Variants in CLCN1 observed in about 807,000 individuals in gnomAD.
CLCN1 encodes the protein chloride voltage-gated channel 1.
Under a neutral mutation model 114.5 loss-of-function variants are expected in CLCN1, and 100 were observed. That is an observed-to-expected ratio of 0.87 (90% confidence interval 0.74 to 1.03). CLCN1 has a LOEUF of 1.03. Ranked by LOEUF, CLCN1 falls within the 50% of genes least tolerant of loss-of-function variation. The pLI is 0.00. For synonymous variants in CLCN1, 485 were observed against 487.1 expected, an observed-to-expected ratio of 1.00 and a Z score of 0.06; for missense variants, 1,188 against 1,250.0, an observed-to-expected ratio of 0.95 and a Z score of 0.75.
At chr7:143,343,712 TTCTC>T (rs374586960) in intron 16 of CLCN1, among the ~76,000 whole-genome samples, 105 of 146,762 alleles carry the variant, frequency 7.2e-4, no homozygotes, top group Middle Eastern at 3.6e-3. Context: ...CTTCCTTTCT[TTCTC>T]TTTCTTTCTT....
chr7:143,346,089 G>A (rs1231754414), intron 17 of CLCN1, 51 bp from the exon 18 acceptor site: 1 of 1,199,752 alleles, frequency 8.3e-7, no homozygotes, highest in Admixed American at 1.7e-5. Flanking sequence ...AGGCAGTGAA[G>A]GCCCAGGCAG....
intron 14 of CLCN1, among the ~76,000 whole-genome samples, chr7:143,340,540 T>C (rs922967490): frequency 6.6e-6 from 1 of 152,130 alleles, no homozygotes; most frequent in African/African-American, 2.4e-5. Context: ...CTTCTCCTTC[T>C]CTTCTCTTCT....
chr7:143,321,598 C>T lies in CLCN1; in HGVS notation c.562+105C>T. 1 of 1,604,278 alleles carries T rather than the reference C, an allele frequency of 6.2e-7. No individual in the cohort carries two copies. Among genetic ancestry groups the T allele is most frequent in the Admixed American group, 1.7e-5 (1 of 59,974 alleles). On this transcript the variant is annotated intron_variant, in intron 4 of 22. Transcript: ENST00000343257. The surrounding 1 kb of genome is among the most constrained non-coding windows in gnomAD (Gnocchi z 4.2). ...ACCCACAGCCCTGTGCTGCCTTGCC[C>T]CATCCTCCCCACCACTGCCTCTTCA...
chr7:143,347,620 C>CAAA (rs57147641), intron 20 of CLCN1, among the ~76,000 whole-genome samples: 50 of 94,808 alleles, frequency 5.3e-4, no homozygotes, highest in East Asian at 6.8e-4. Context: ...GACTTTGCCT[C>CAAA]AAAAAAAAAA....
chr7:143,320,410 C>G (rs183531465), intron 2 of CLCN1, among the ~76,000 whole-genome samples: 1 of 152,072 alleles, frequency 6.6e-6, no homozygotes, highest in Non-Finnish European at 1.5e-5. Context: ...GGCTTTGGTG[C>G]CTTTTGCAGG....
chr7:143,330,238 T>C (rs1325120715), intron 7 of CLCN1, among the ~76,000 whole-genome samples: 1 of 152,160 alleles, frequency 6.6e-6, no homozygotes, highest in Non-Finnish European at 1.5e-5. Flanking sequence ...AGCCCCCTCC[T>C]ATTTTTGTTC....
chr7:143,351,776 C>T lies in CLCN1; in HGVS notation c.2778C>T (p.Ser926=). The change falls in exon 23 of 23, where the codon TCC becomes TCT. Residue 926 remains serine (S), a synonymous_variant. Coordinates refer to ENST00000343257, the MANE Select transcript of CLCN1 (RefSeq NM_000083.3). ...ATGTGDVIAA[S]PETPVPSPSP... ...GAACAGGGGATGTGATTGCTGCCTC[C>T]CCAGAGACCCCTGTGCCATCTCCTT... 6.2e-7 allele frequency: 1 copy of T among 1,614,146 alleles called. No homozygotes were observed. Among genetic ancestry groups the T allele is most frequent in the East Asian group, 2.2e-5 (1 of 44,856 alleles).
In CLCN1 at chr7:143,331,443, G is replaced by A. The variant is rs2242493; in HGVS notation, c.1065-108G>A. 0.66 allele frequency: 734,507 copies of A among 1,104,938 alleles called. 246,825 individuals are homozygous for A. The highest frequency in any genetic ancestry group is 0.82 in the East Asian group (34,553 of 42,364). The allele number at this position is 1,104,938 out of a possible 1,614,324, so 68.4% of individuals were successfully genotyped here. A position where few individuals can be genotyped will look rare whatever the true frequency, so the allele number is the denominator to read the frequency against. ...AGAGTACATTGCTGGGGGGATGTGG[G>A]CAGATAGGAAAGGCAGAAGCCTGGT... On this transcript the variant is annotated intron_variant, in intron 9 of 22. Coordinates refer to ENST00000343257, the MANE Select transcript of CLCN1 (RefSeq NM_000083.3).
In CLCN1 at chr7:143,321,803, C is replaced by T. The variant is rs144109732; in HGVS notation, c.651C>T (p.Val217=). 463 of 1,614,220 alleles carry T rather than the reference C, an allele frequency of 2.9e-4. 4 individuals carry two copies. The African/African-American group carries it at 5.1e-3, about 18-fold the overall frequency. ...LTMKAFVAKV[V]ALTAGLGSGI... Reference sequence around the variant, plus strand: ...TGAAAGCCTTTGTGGCCAAGGTTGTCGCCCTGACTGCGGGCCTGGGCAGTG... The same window carrying T: ...TGAAAGCCTTTGTGGCCAAGGTTGTTGCCCTGACTGCGGGCCTGGGCAGTG... Residue 217 remains valine, a synonymous_variant, in exon 5 of 23, where the codon GTC becomes GTT. Transcript: ENST00000343257. The surrounding 1 kb of genome is among the most constrained non-coding windows in gnomAD (Gnocchi z 4.2).
chr7:143,326,008 T>TGTTTG (rs1554435604), intron 7 of CLCN1, among the ~76,000 whole-genome samples: 4 of 151,952 alleles, frequency 2.6e-5, no homozygotes, highest in African/African-American at 9.7e-5. Flanking sequence ...TACTTGTTTT[T>TGTTTG]TTTGTTTGTT....
In CLCN1 at chr7:143,321,392, A is replaced by G. The variant is rs111482384; in HGVS notation, c.461A>G (p.Gln154Arg). The stretch of plus-strand genomic sequence containing the variant: ...TACAAGTGGTCCTACGCGCAGATGC[A>G]GCCCAGCCTTCCTCTGCAGTTCCTG... ...QAYKWSYAQM[Q>R]PSLPLQFLVW... is the part of the protein sequence containing the mutation. The change falls in exon 4 of 23, where the codon CAG (glutamine) becomes CGG (arginine). Residue 154 changes from glutamine to arginine, a missense_variant. Gln to Arg is a conservative substitution (Grantham distance 43). Coordinates refer to ENST00000343257, the MANE Select transcript of CLCN1 (RefSeq NM_000083.3). The surrounding 1 kb of genome is among the most constrained non-coding windows in gnomAD (Gnocchi z 4.2). The G allele has an allele frequency of 1.9e-3, 3,043 of 1,614,212 alleles. 57 individuals are homozygous for G. The African/African-American group carries it at 0.034, about 18-fold the overall frequency.
At chr7:143,331,513 TG>T in intron 9 of CLCN1, 37 bp from the exon 10 acceptor site, 2 of 1,442,050 alleles carry the variant, frequency 1.4e-6, no homozygotes, top group Non-Finnish European at 2.0e-6. Flanking sequence ...GAGGATTTCA[TG>T]TCTGTAAGAT....
At chr7:143,322,119 T>C (rs1207218801) in intron 5 of CLCN1, among the ~76,000 whole-genome samples, 2 of 152,358 alleles carry the variant, frequency 1.3e-5, no homozygotes, top group East Asian at 3.9e-4. Flanking sequence ...GGGGAGGCTG[T>C]TCTGTGCAGT....
intron 16 of CLCN1, among the ~76,000 whole-genome samples, chr7:143,344,797 T>C (rs4726608): frequency 0.43 from 63,875 of 148,624 alleles, 14,336 homozygotes; most frequent in African/African-American, 0.56. Context: ...GTCGCCCAGG[T>C]TGGAGTGCAG....
In CLCN1 at chr7:143,330,856, C is replaced by T. The variant is rs2116852322; in HGVS notation, c.938C>T (p.Ala313Val). Residue 313 changes from alanine (A) to valine (V), a missense_variant, in exon 8 of 23, where the codon GCC (alanine) becomes GTC (valine). Ala to Val is a moderately conservative substitution (Grantham distance 64, BLOSUM62 0). Coordinates refer to ENST00000343257, the MANE Select transcript of CLCN1 (RefSeq NM_000083.3). ...WRGFFAATFS[A>V]FVFRVLAVWN... is the part of the protein sequence containing the mutation. ...GGATTCTTTGCAGCCACGTTCAGCG[C>T]CTTTGTGTTTCGAGTGCTGGCAGTG... 2 of 1,614,216 alleles carry T rather than the reference C, an allele frequency of 1.2e-6. No individual in the cohort carries two copies. Among genetic ancestry groups the T allele is most frequent in the Non-Finnish European group, 1.7e-6 (2 of 1,180,050 alleles).
In CLCN1 at chr7:143,346,095, G is replaced by A. The variant is rs146406176; in HGVS notation, c.2173-45G>A. 2.0e-3 allele frequency: 2,464 copies of A among 1,256,250 alleles called. 6 individuals are homozygous for A. Among genetic ancestry groups the A allele is most frequent in the Non-Finnish European group, 2.2e-3 (1,912 of 853,510 alleles). 77.8% of individuals were successfully genotyped at this position (1,256,250 alleles called of 1,614,324 possible). On this transcript the variant is annotated intron_variant, in intron 17 of 22. Coordinates refer to ENST00000343257, the MANE Select transcript of CLCN1 (RefSeq NM_000083.3). ...AACTGGTAAAGGCAGTGAAGGCCCA[G>A]GCAGTCTCTGCTCCCAGGCTGAGAC...
Position 143,321,592 on chromosome 7 carries a change from C to T in CLCN1, c.562+99C>T. On this transcript the variant is annotated intron_variant, in intron 4 of 22. Coordinates refer to ENST00000343257, the MANE Select transcript of CLCN1 (RefSeq NM_000083.3). The surrounding 1 kb of genome is among the most constrained non-coding windows in gnomAD (Gnocchi z 4.2). Reference sequence around the variant, plus strand: ...AGCCCCACCCACAGCCCTGTGCTGCCTTGCCCCATCCTCCCCACCACTGCC... The same window carrying T: ...AGCCCCACCCACAGCCCTGTGCTGCTTTGCCCCATCCTCCCCACCACTGCC... The T allele has an allele frequency of 6.2e-7, 1 of 1,606,858 alleles. No homozygotes were observed. Among genetic ancestry groups the T allele is most frequent in the South Asian group, 1.1e-5 (1 of 90,888 alleles).
At chr7:143,318,635 C>G (rs541167278) in intron 1 of CLCN1, among the ~76,000 whole-genome samples, 6 of 152,326 alleles carry the variant, frequency 3.9e-5, no homozygotes, top group African/African-American at 1.4e-4. Context: ...CCAGCCAGAA[C>G]AGATCTGGCC....
In CLCN1 at chr7:143,351,379, G is replaced by T. The variant is rs535245661; in HGVS notation, c.2596-215G>T. On this transcript the variant is annotated intron_variant, in intron 22 of 22. Coordinates refer to ENST00000343257, the MANE Select transcript of CLCN1 (RefSeq NM_000083.3). ...CCAAGGGTCTGAGTCTGGGCAGGTG[G>T]ATCTTTTGTCATGCCCCTTTTCTTG... Among the ~76,000 whole-genome samples, 3 of 152,220 alleles carry T rather than the reference G, an allele frequency of 2.0e-5. No homozygotes were observed. The East Asian group carries it at 5.8e-4, about 29-fold the overall frequency.
Sources: gnomAD v4.1 joint callset for allele counts (sites outside exome capture counted in the v4.1 genomes callset) on GRCh38, gnomAD v4.1.1 for gene constraint, Gnocchi (gnomAD v3.1) non-coding constraint, MANE v1.5 for transcripts, NCBI Gene and HGNC (gene_info 2026-07-23, HGNC 2026-07-21) for gene names.